The following CTNNA1 variants were observed in gnomAD, a reference collection of about 807,000 sequenced individuals.
CTNNA1 encodes catenin alpha 1.
Under a neutral mutation model 98.4 loss-of-function variants are expected in CTNNA1, and 37 were observed. The observed-to-expected ratio is 0.38, with a 90% CI of 0.29 to 0.49. The LOEUF is 0.49. CTNNA1 is among the 20% of genes least tolerant of loss of function. CTNNA1 has a pLI of 0.95. For missense variants in CTNNA1, 761 were observed against 1,147.2 expected (o/e 0.66, Z 4.86); for synonymous variants, 404 against 413.2 (o/e 0.98, Z 0.27).
chr5:138,916,447 C>G (rs186789436), intron 10 of CTNNA1, among the ~76,000 whole-genome samples: 4 of 148,366 alleles, frequency 2.7e-5, no homozygotes, highest in African/African-American at 7.5e-5. Context: ...AGGCTGGTCT[C>G]GAACTCCTGG....
Position 138,812,184 on chromosome 5 carries a change from T to G in CTNNA1, c.470T>G (p.Val157Gly). 1 of 1,613,070 alleles carries G rather than the reference T, an allele frequency of 6.2e-7. No homozygotes were observed. Among genetic ancestry groups the G allele is most frequent in the Non-Finnish European group, 8.5e-7 (1 of 1,179,556 alleles). The change falls in exon 5 of 18, where the codon GTG becomes GGG. Residue 157 changes from valine to glycine, a missense_variant and splice_region_variant. This residue lies in a region of CTNNA1 where 328 missense variants were observed against 354.3 expected (regional missense o/e 0.93). Transcript: ENST00000302763. ...TTTGGGGTCTTTCTTATTTTATAGGTGGAAGATGGTATCTTGAAGTTGAGG... is the reference window on the plus strand; with the variant it reads ...TTTGGGGTCTTTCTTATTTTATAGGGGGAAGATGGTATCTTGAAGTTGAGG... ...VYKLLVQLKVVEDGILKLRNA... is the reference protein window; with the variant it reads ...VYKLLVQLKVGEDGILKLRNA...
chr5:138,900,897 A>G (rs1027775312), intron 9 of CTNNA1, among the ~76,000 whole-genome samples: 1 of 152,184 alleles, frequency 6.6e-6, no homozygotes, highest in Admixed American at 6.5e-5. Flanking sequence ...AGATGGTACA[A>G]AAGAGGGCTG....
At chr5:138,852,434 A>G (rs1207249245) in intron 7 of CTNNA1, among the ~76,000 whole-genome samples, 2 of 107,934 alleles carry the variant, frequency 1.9e-5, no homozygotes, top group East Asian at 3.0e-4. Context: ...CACTGCCTTC[A>G]TACTTTACAT....
At chr5:138,908,646 C>CA (rs1319163031) in intron 10 of CTNNA1, among the ~76,000 whole-genome samples, 1 of 152,070 alleles carries the variant, frequency 6.6e-6, no homozygotes, top group East Asian at 1.9e-4. Flanking sequence ...GCCTGGGCGA[C>CA]AGAGTATGAC....
chr5:138,768,033 A>G (rs1753123064), intron 1 of CTNNA1, among the ~76,000 whole-genome samples: 1 of 152,224 alleles, frequency 6.6e-6, no homozygotes, highest in Non-Finnish European at 1.5e-5. Context: ...TGTGCAGTCC[A>G]TATTCAGATT....
At chr5:138,782,376 C>A in intron 2 of CTNNA1, 1 of 447,114 alleles carries the variant, frequency 2.2e-6, no homozygotes, top group South Asian at 1.6e-5. Context: ...GCTTAACACA[C>A]CTTTCATTGT....
At chr5:138,836,316 A>C (rs191850016) in intron 7 of CTNNA1, among the ~76,000 whole-genome samples, 2 of 152,356 alleles carry the variant, frequency 1.3e-5, no homozygotes, top group East Asian at 3.9e-4. Flanking sequence ...TATTTCACTT[A>C]GTATAATGCC....
chr5:138,932,860 A>AG, intron 17 of CTNNA1, 148 bp downstream of exon 17: 1 of 989,578 alleles, frequency 1.0e-6, no homozygotes. Context: ...CTGGAGACCA[A>AG]GGTCTGTCCA....
intron 7 of CTNNA1, among the ~76,000 whole-genome samples, chr5:138,832,326 C>T (rs1170519856): frequency 6.6e-6 from 1 of 152,166 alleles, no homozygotes; most frequent in African/African-American, 2.4e-5. Context: ...GGAAATATCA[C>T]AGACCCATGA....
At chr5:138,782,964 A>G (rs1014749782) in intron 2 of CTNNA1, among the ~76,000 whole-genome samples, 1 of 152,222 alleles carries the variant, frequency 6.6e-6, no homozygotes, top group Non-Finnish European at 1.5e-5. Flanking sequence ...AATATGTGTT[A>G]AATAATTCTC....
rs942903298 is a variant in CTNNA1, at chr5:138,831,272, G to C, written c.1062+3554G>C. 3.3e-5 allele frequency among the ~76,000 whole-genome samples: 5 copies of C among 152,242 alleles called. No individual in the cohort carries two copies. In the South Asian group the frequency reaches 1.0e-3, roughly 32 times the overall value. On this transcript the variant is annotated intron_variant, in intron 7 of 17. Coordinates refer to ENST00000302763, the MANE Select transcript of CTNNA1 (RefSeq NM_001903.5). ...ACTTTGGATGCACATTACAGTCCTT[G>C]GGCAACTTTGATGTTTCAGGTGTAC...
At chr5:138,933,226 C>A (rs368452595) in intron 17 of CTNNA1, among the ~76,000 whole-genome samples, 1 of 152,102 alleles carries the variant, frequency 6.6e-6, no homozygotes, top group Non-Finnish European at 1.5e-5. Context: ...TTCTCAAAAG[C>A]CCTTCACTCC....
intron 7 of CTNNA1, among the ~76,000 whole-genome samples, chr5:138,844,507 A>C (rs1182149946): frequency 6.6e-6 from 1 of 152,152 alleles, no homozygotes; most frequent in Non-Finnish European, 1.5e-5. Flanking sequence ...TTGCCTCAAC[A>C]CAATTTTAGG....
chr5:138,883,784 C>T (rs111939751), intron 7 of CTNNA1, among the ~76,000 whole-genome samples: 29 of 152,264 alleles, frequency 1.9e-4, no homozygotes, highest in African/African-American at 6.0e-4. Flanking sequence ...ATTTTCTTGA[C>T]GTGAGTGCTT....
intron 3 of CTNNA1, among the ~76,000 whole-genome samples, chr5:138,808,655 T>C (rs1192364672): frequency 1.3e-5 from 2 of 148,970 alleles, no homozygotes; most frequent in Non-Finnish European, 3.0e-5. Context: ...AGAAATTTGA[T>C]AGGTCTGTTG....
intron 7 of CTNNA1, among the ~76,000 whole-genome samples, chr5:138,883,328 A>G (rs1046752513): frequency 6.6e-6 from 1 of 152,210 alleles, no homozygotes; most frequent in Non-Finnish European, 1.5e-5. Context: ...TGATTTTAAA[A>G]TGGTCTGTCT....
chr5:138,850,535 A>G (rs1032743478), intron 7 of CTNNA1, among the ~76,000 whole-genome samples: 13 of 152,244 alleles, frequency 8.5e-5, no homozygotes, highest in African/African-American at 4.8e-5. Flanking sequence ...CTATGTAGCC[A>G]TTAGGCATTT....
rs1758633447 is a variant in CTNNA1 at position 138,810,917 on chromosome 5, G to A, written c.468+713G>A. On this transcript the variant is annotated intron_variant, in intron 4 of 17. Transcript: ENST00000302763. ...CGCACGGGGCGGCTGGCCGGGCAGG[G>A]GGCTGACCCCCCCACCTCCCTCCCG... Among the ~76,000 whole-genome samples, 9 of 141,432 alleles carry A rather than the reference G, an allele frequency of 6.4e-5. No homozygotes were observed. The South Asian group carries it at 1.9e-3, about 30-fold the overall frequency. 92.8% of individuals were successfully genotyped at this position (141,432 alleles called of 152,430 possible). A position where few individuals can be genotyped will look rare whatever the true frequency, so the allele number is the denominator to read the frequency against.
intron 3 of CTNNA1, among the ~76,000 whole-genome samples, chr5:138,805,295 G>C (rs1423824388): frequency 6.6e-6 from 1 of 152,202 alleles, no homozygotes; most frequent in Admixed American, 6.5e-5. Context: ...TGGAATTACT[G>C]AGTCATATGA....
Sources: allele counts gnomAD v4.1 joint callset (sites outside exome capture counted in the v4.1 genomes callset), GRCh38; gene constraint gnomAD v4.1.1; regional missense constraint gnomAD v4.1.1; transcripts MANE v1.5; gene names NCBI Gene and HGNC (gene_info 2026-07-23, HGNC 2026-07-21).